Variants in LMNTD1 observed in about 807,000 individuals in gnomAD.
The protein encoded by LMNTD1 is lamin tail domain-containing protein 1.
A neutral mutation model predicts 50.9 loss-of-function variants in LMNTD1; 35 were observed. That is an observed-to-expected ratio of 0.69 (90% confidence interval 0.53 to 0.91). The LOEUF is 0.91. Among genes scored for constraint, LMNTD1 ranks in the 40% least tolerant of loss-of-function variants. LMNTD1 has a pLI of 0.00. For synonymous variants in LMNTD1, 153 were observed against 161.9 expected (o/e 0.94, Z 0.42); for missense variants, 470 against 475.5 (o/e 0.99, Z 0.11).
intron 8 of LMNTD1, among the ~76,000 whole-genome samples, chr12:25,507,256 T>C (rs1211596036): frequency 6.6e-6 from 1 of 152,204 alleles, no homozygotes; most frequent in Non-Finnish European, 1.5e-5. Context: ...ACAACTAACA[T>C]AACCACAACA....
At chr12:25,630,737 C>G (rs1413693063) in intron 1 of LMNTD1, 1 of 152,368 alleles carries the variant, frequency 6.6e-6, no homozygotes, top group Non-Finnish European at 1.5e-5. Flanking sequence ...ACCGGAGGAG[C>G]AGGAGGAGGA....
At chr12:25,498,306 T>TC (rs1939179497) in intron 9 of LMNTD1, among the ~76,000 whole-genome samples, 1 of 152,194 alleles carries the variant, frequency 6.6e-6, no homozygotes, top group African/African-American at 2.4e-5. Context: ...TCCTGTTCTG[T>TC]CCATGGGATT....
At chr12:25,639,234 A>G (rs1946899945) in intron 1 of LMNTD1, among the ~76,000 whole-genome samples, 1 of 152,186 alleles carries the variant, frequency 6.6e-6, no homozygotes, top group African/African-American at 2.4e-5. Flanking sequence ...GTAGAAATAA[A>G]TTGTTGTGGC....
intron 1 of LMNTD1, among the ~76,000 whole-genome samples, chr12:25,559,028 C>A (rs559124455): frequency 6.6e-6 from 1 of 151,244 alleles, no homozygotes; most frequent in Non-Finnish European, 1.5e-5. Context: ...TATTTAATCA[C>A]TATACTTCCT....
In LMNTD1 at chr12:25,517,384, A is replaced by G. The variant is rs1405103275; in HGVS notation, c.1189+1411T>C. ...ATGGAATACTATGCAGCCATAAAAA[A>G]TGATGAGTTCATGTCCTTTGTAGGG... On this transcript the variant is annotated intron_variant, in intron 8 of 9. Transcript: ENST00000458174. Among the ~76,000 whole-genome samples the G allele has an allele frequency of 3.4e-4, 19 of 55,758 alleles. 8 individuals are homozygous for G. Among genetic ancestry groups the G allele is most frequent in the African/African-American group, 7.4e-4 (17 of 22,898 alleles). 36.6% of individuals were successfully genotyped at this position (55,758 alleles called of 152,430 possible).
At chr12:25,487,706 G>A (rs1407734923) in intron 9 of LMNTD1, among the ~76,000 whole-genome samples, 4 of 129,128 alleles carry the variant, frequency 3.1e-5, no homozygotes, top group Non-Finnish European at 3.2e-5. Context: ...TTGCTTGTTA[G>A]TTGACGCAGT....
chr12:25,522,204 C>T (rs932258648), intron 6 of LMNTD1, among the ~76,000 whole-genome samples: 3 of 152,126 alleles, frequency 2.0e-5, no homozygotes, highest in African/African-American at 7.2e-5. Flanking sequence ...AAAAAATGGA[C>T]TTTTGCTACA....
chr12:25,480,327 T>C (rs1214409098), intron 9 of LMNTD1, among the ~76,000 whole-genome samples: 1 of 152,192 alleles, frequency 6.6e-6, no homozygotes, highest in Non-Finnish European at 1.5e-5. Flanking sequence ...TCTCACAACA[T>C]CAGTATGCCA....
At chr12:25,484,065 T>C (rs544982645) in intron 9 of LMNTD1, among the ~76,000 whole-genome samples, 22 of 151,976 alleles carry the variant, frequency 1.4e-4, no homozygotes, top group Non-Finnish European at 2.8e-4. Flanking sequence ...ATAGTTAACT[T>C]TTGTGTTTTT....
chr12:25,559,080 T>C (rs539004717), intron 1 of LMNTD1, among the ~76,000 whole-genome samples: 10 of 152,058 alleles, frequency 6.6e-5, no homozygotes, highest in African/African-American at 9.7e-5. Context: ...AGTTCTAGGG[T>C]ACATGTGTAC....
chr12:25,530,155 A>G (rs535708919), intron 4 of LMNTD1, among the ~76,000 whole-genome samples: 168 of 152,268 alleles, frequency 1.1e-3, no homozygotes, highest in African/African-American at 3.9e-3. Flanking sequence ...CTGCATGTTC[A>G]TATCATTTCA....
chr12:25,543,591 C>T (rs1325506926), intron 4 of LMNTD1, among the ~76,000 whole-genome samples: 1 of 151,348 alleles, frequency 6.6e-6, no homozygotes. Context: ...ATTTATTTTT[C>T]TCTGATCTTT....
At chr12:25,589,222 G>T (rs561187360) in intron 1 of LMNTD1, among the ~76,000 whole-genome samples, 3 of 152,228 alleles carry the variant, frequency 2.0e-5, no homozygotes, top group Non-Finnish European at 4.4e-5. Flanking sequence ...GTATATAACA[G>T]TCAGAAATCA....
chr12:25,520,118 G>A (rs1457150033), intron 6 of LMNTD1, 43 bp from the exon 7 acceptor site: 1 of 863,828 alleles, frequency 1.2e-6, no homozygotes, highest in African/African-American at 1.8e-5. Flanking sequence ...TATATTTGAG[G>A]TTTACAACAT....
At chr12:25,637,384 CT>C (rs1946858295) in intron 1 of LMNTD1, among the ~76,000 whole-genome samples, 1 of 151,986 alleles carries the variant, frequency 6.6e-6, no homozygotes, top group Admixed American at 6.6e-5. Context: ...ATGACAGTGT[CT>C]TATCAAATAG....
chr12:25,533,700 C>T (rs560104727), intron 4 of LMNTD1, among the ~76,000 whole-genome samples: 1 of 152,142 alleles, frequency 6.6e-6, no homozygotes, highest in Non-Finnish European at 1.5e-5. Flanking sequence ...TTCATTGGTA[C>T]TACAAGAGCC....
intron 1 of LMNTD1, among the ~76,000 whole-genome samples, chr12:25,573,547 G>A (rs976427968): frequency 3.3e-5 from 5 of 152,138 alleles, no homozygotes; most frequent in Non-Finnish European, 7.3e-5. Context: ...AACATGCCAG[G>A]GAAAGATGAA....
intron 1 of LMNTD1, among the ~76,000 whole-genome samples, chr12:25,609,067 C>T (rs993420340): frequency 2.0e-5 from 3 of 152,080 alleles, no homozygotes; most frequent in Non-Finnish European, 4.4e-5. Context: ...TCATTTTATT[C>T]ATTTGATCTT....
intron 9 of LMNTD1, among the ~76,000 whole-genome samples, chr12:25,502,179 C>T (rs899168655): frequency 6.6e-6 from 1 of 152,124 alleles, no homozygotes; most frequent in African/African-American, 2.4e-5. Context: ...TATTCAATAT[C>T]CAATGGGATG....
Sources: allele counts gnomAD v4.1 joint callset (sites outside exome capture counted in the v4.1 genomes callset), GRCh38; gene constraint gnomAD v4.1.1; transcripts MANE v1.5; gene names NCBI Gene and HGNC (gene_info 2026-07-23, HGNC 2026-07-21).